Variants in UBN1 observed in about 807,000 individuals in gnomAD.
The protein encoded by UBN1 is ubinuclein 1.
UBN1 carries 17 observed loss-of-function variants against 108.5 expected under a neutral mutation model. That is an observed-to-expected ratio of 0.16 (90% CI 0.11 to 0.24). The LOEUF (loss-of-function observed/expected upper bound fraction) is 0.24. UBN1 is among the 10% of genes least tolerant of loss of function. UBN1 has a pLI of 1.00. For missense variants in UBN1, 1,595 were observed against 1,394.4 expected (o/e 1.14, Z -2.29); for synonymous variants, 726 against 564.2 (o/e 1.29, Z -4.07).
rs374515728 is a variant in UBN1 at position 4,874,226 on chromosome 16, C to T, written c.1816C>T (p.Pro606Ser). The T allele has an allele frequency of 6.4e-7, 1 of 1,561,138 alleles. No individual in the cohort carries two copies. ...KIKVKESSTK[P>S]DKKVSVPSGQ... ...TTTCCTTTAGGAATCGTCTACGAAG[C>T]CTGATAAAAAGGTTTCTGTCCCATC... The change falls in exon 15 of 18, where the codon CCT (proline) becomes TCT (serine). Residue 606 changes from proline to serine, a missense_variant. Around this residue, in one of 3 missense-constraint regions of UBN1, gnomAD observed 1,398 missense variants for 1,194.7 expected, o/e 1.17. Transcript: ENST00000262376.
intron 2 of UBN1, among the ~76,000 whole-genome samples, chr16:4,854,928 T>C (rs1171565622): frequency 6.6e-6 from 1 of 151,954 alleles, no homozygotes; most frequent in Non-Finnish European, 1.5e-5. Context: ...TCCACCGTGT[T>C]AGCCAGGATG....
intron 7 of UBN1, among the ~76,000 whole-genome samples, chr16:4,864,124 A>C (rs1435499545): frequency 1.7e-5 from 2 of 120,850 alleles, no homozygotes; most frequent in African/African-American, 6.8e-5. Flanking sequence ...TCCATCACCC[A>C]GGCTGGAGTG....
At chr16:4,853,290 A>G (rs1372795536) in intron 2 of UBN1, 124 bp downstream of exon 2, 3 of 1,347,872 alleles carry the variant, frequency 2.2e-6, no homozygotes, top group East Asian at 2.4e-5. Context: ...AGATCCTGTC[A>G]CTCACTCAAG....
intron 1 of UBN1, chr16:4,852,605 G>A (rs2086610478): frequency 9.7e-6 from 2 of 206,318 alleles, no homozygotes; most frequent in Admixed American, 5.5e-5. Flanking sequence ...CAATTTGGAG[G>A]TCTAAGGCTC....
chr16:4,870,702 G>A, intron 10 of UBN1, 68 bp downstream of exon 10: 3 of 1,591,174 alleles, frequency 1.9e-6, no homozygotes, highest in Non-Finnish European at 8.6e-7. Flanking sequence ...GTTTCTCGGT[G>A]TGTACTGCCG....
At chr16:4,876,764 T>G (rs1016459199) in intron 15 of UBN1, 107 bp from the exon 16 acceptor site, 2 of 1,494,112 alleles carry the variant, frequency 1.3e-6, no homozygotes, top group Non-Finnish European at 1.8e-6. Context: ...GATGTGTATG[T>G]CCTCCTTTGT....
intron 14 of UBN1, among the ~76,000 whole-genome samples, 183 bp from the exon 15 acceptor site, chr16:4,874,028 G>C (rs930757574): frequency 8.5e-5 from 13 of 152,200 alleles, no homozygotes; most frequent in African/African-American, 3.1e-4. Context: ...CACCAGGGGT[G>C]ATGAAGTCAT....
intron 7 of UBN1, among the ~76,000 whole-genome samples, chr16:4,866,803 CGCCGG>C (rs2087355574): frequency 6.6e-6 from 1 of 152,190 alleles, no homozygotes; most frequent in Admixed American, 6.6e-5. Flanking sequence ...TGAGCCACCG[CGCCGG>C]GCCAAGGTTC....
intron 11 of UBN1, 62 bp from the exon 12 acceptor site, chr16:4,871,093 A>G (rs757665378): frequency 1.9e-6 from 3 of 1,608,116 alleles, no homozygotes; most frequent in Non-Finnish European, 2.5e-6. Context: ...AAAGCACATG[A>G]TTGGAACCTT....
At chr16:4,860,035 A>G (rs749945623) in intron 6 of UBN1, 67 bp downstream of exon 6, 11 of 1,591,714 alleles carry the variant, frequency 6.9e-6, no homozygotes, top group Non-Finnish European at 9.4e-6. Flanking sequence ...CTGGGAGCTG[A>G]CTCACCTCCT....
intron 2 of UBN1, among the ~76,000 whole-genome samples, chr16:4,857,330 GA>G (rs1405525886): frequency 6.8e-6 from 1 of 147,182 alleles, no homozygotes; most frequent in African/African-American, 2.5e-5. Flanking sequence ...CAGCCTGAGT[GA>G]CAGAGTGAGA....
At chr16:4,865,148 C>T (rs966156934) in intron 7 of UBN1, among the ~76,000 whole-genome samples, 1 of 151,982 alleles carries the variant, frequency 6.6e-6, no homozygotes, top group Admixed American at 6.6e-5. Context: ...TGAGGGACCC[C>T]ATTTATTTTT....
chr16:4,876,979 A>G lies in UBN1; in HGVS notation c.3133A>G (p.Ile1045Val). The change falls in exon 16 of 18, where the codon ATT becomes GTT. Residue 1045 changes from isoleucine (I) to valine (V), a missense_variant. Physicochemically the swap from Ile to Val is conservative, Grantham distance 29. Transcript: ENST00000262376. ...SGAMSSNSLG[I>V]ITPVPIPVHV... is the part of the protein sequence containing the mutation. ...GGCCATGAGCTCGAACTCCTTGGGA[A>G]TTATAACCCCTGTCCCTATTCCTGT... 6.2e-7 allele frequency: 1 copy of G among 1,614,220 alleles called. No homozygotes were observed. The highest frequency in any genetic ancestry group is 8.5e-7 in the Non-Finnish European group (1 of 1,180,034).
intron 12 of UBN1, among the ~76,000 whole-genome samples, 181 bp from the exon 13 acceptor site, chr16:4,872,703 A>G (rs2087706589): frequency 6.6e-6 from 1 of 152,028 alleles, no homozygotes; most frequent in South Asian, 2.1e-4. Flanking sequence ...TCCTGACCTC[A>G]GGTGATCCAC....
rs935843138 is a variant in UBN1 at position 4,870,983 on chromosome 16, A to C, written c.1559+11A>C. 5 of 1,613,828 alleles carry C rather than the reference A, an allele frequency of 3.1e-6. No individual in the cohort carries two copies. The highest frequency in any genetic ancestry group is 1.3e-5 in the African/African-American group (1 of 74,924). ...GAATGATGAGATCAGGTGTGCCCACACTGGGACTTGGCCTCTTTGGAGGGT... is the reference window on the plus strand; with the variant it reads ...GAATGATGAGATCAGGTGTGCCCACCCTGGGACTTGGCCTCTTTGGAGGGT... On this transcript the variant is annotated intron_variant, in intron 11 of 17. Coordinates refer to ENST00000262376, the MANE Select transcript of UBN1 (RefSeq NM_001079514.3).
chr16:4,878,616 C>G (rs995991947), intron 17 of UBN1, among the ~76,000 whole-genome samples: 1 of 152,244 alleles, frequency 6.6e-6, no homozygotes, highest in Non-Finnish European at 1.5e-5. Context: ...GACTTCTCTA[C>G]AGACTAGAGG....
chr16:4,854,339 T>TG lies in UBN1; in HGVS notation c.249+1173_249+1174insG, dbSNP rs1454359814. Among the ~76,000 whole-genome samples the TG allele has an allele frequency of 4.0e-3, 438 of 110,366 alleles. 1 individual carries two copies. The highest frequency in any genetic ancestry group is 0.018 in the African/African-American group (423 of 23,630). 72.4% of individuals were successfully genotyped at this position (110,366 alleles called of 152,430 possible). The stretch of plus-strand genomic sequence containing the variant: ...TGAGCCACAGCACCTGGCCTCTCTT[T>TG]TTTGTTGTTGTTGTTGTTTTTTGAG... On this transcript the variant is annotated intron_variant, in intron 2 of 17. Coordinates refer to ENST00000262376, the MANE Select transcript of UBN1 (RefSeq NM_001079514.3).
chr16:4,855,211 C>T (rs1405926595), intron 2 of UBN1, among the ~76,000 whole-genome samples: 1 of 152,200 alleles, frequency 6.6e-6, no homozygotes, highest in Non-Finnish European at 1.5e-5. Flanking sequence ...TGTGAATTTT[C>T]TAGCAGTATG....
chr16:4,872,794 A>T, intron 12 of UBN1, 90 bp from the exon 13 acceptor site: 1 of 1,450,006 alleles, frequency 6.9e-7, no homozygotes, highest in Admixed American at 1.8e-5. Context: ...AGGGATAGCT[A>T]CTGAGGACCA....
Sources: gnomAD v4.1 joint callset for allele counts (sites outside exome capture counted in the v4.1 genomes callset) on GRCh38, gnomAD v4.1.1 for gene constraint, gnomAD v4.1.1 regional missense constraint, MANE v1.5 for transcripts, NCBI Gene and HGNC (gene_info 2026-07-23, HGNC 2026-07-21) for gene names.